The following ANKRD45 variants were observed in gnomAD, a reference collection of about 807,000 sequenced individuals.
ANKRD45 encodes the protein ankyrin repeat domain-containing protein 45.
In ANKRD45, 21 loss-of-function variants were observed where a neutral mutation model predicts 28.1. The ratio of observed to expected loss-of-function variants is 0.75; its 90% confidence interval spans 0.53 to 1.08. The LOEUF (loss-of-function observed/expected upper bound fraction) is 1.08, where lower values mean the gene tolerates loss of function less well. Among genes scored for constraint, ANKRD45 ranks in the 50% least tolerant of loss-of-function variants. The pLI is 0.00. For synonymous variants in ANKRD45, 86 were observed against 103.9 expected, an observed-to-expected ratio of 0.83 and a Z score of 1.05; for missense variants, 261 against 308.7, an observed-to-expected ratio of 0.85 and a Z score of 1.16.
Position 173,628,624 on chromosome 1 carries a change from G to A in ANKRD45, c.497-1465C>T, listed in dbSNP as rs1033380665. Among the ~76,000 whole-genome samples the A allele has an allele frequency of 1.4e-4, 21 of 152,162 alleles. 1 individual carries two copies. Among genetic ancestry groups the A allele is most frequent in the Admixed American group, 4.6e-4 (7 of 15,280 alleles). On this transcript the variant is annotated intron_variant, in intron 3 of 5. Transcript: ENST00000333279. ...GCCAGCTCAGCTGCAGTAGAATAGA[G>A]CACCAGCTAGATTCCTAAGGTTCTT...
At chr1:173,686,108 T>G in the ANKRD45 span, among the ~76,000 whole-genome samples, 2 of 152,108 alleles carry the variant, frequency 1.3e-5, no homozygotes, top group African/African-American at 4.8e-5. Flanking sequence ...CCCAATTCAC[T>G]AATGTCCAGC....
intron 2 of ANKRD45, among the ~76,000 whole-genome samples, chr1:173,651,624 G>C (rs77347549): frequency 0.25 from 37,899 of 151,928 alleles, 9,098 homozygotes; most frequent in African/African-American, 0.63. Context: ...TTTTCCAATT[G>C]TGTGAAGAAA....
chr1:173,645,227 T>C (rs1012179290), intron 3 of ANKRD45, among the ~76,000 whole-genome samples: 2 of 152,222 alleles, frequency 1.3e-5, no homozygotes, highest in Admixed American at 1.3e-4. Context: ...ATGTGTTTCC[T>C]TCAAGTTCCT....
the ANKRD45 span, among the ~76,000 whole-genome samples, chr1:173,701,023 CTT>C: frequency 2.6e-5 from 4 of 152,218 alleles, no homozygotes; most frequent in East Asian, 7.7e-4. Flanking sequence ...TGAGCAGACA[CTT>C]TTCAAAAGAA....
chr1:173,663,496 C>T (rs1669877232), intron 1 of ANKRD45, among the ~76,000 whole-genome samples: 1 of 152,152 alleles, frequency 6.6e-6, no homozygotes, highest in South Asian at 2.1e-4. Flanking sequence ...ACCCTCTCTT[C>T]TTTTGGAATA....
chr1:173,702,490 C>G, the ANKRD45 span, among the ~76,000 whole-genome samples: 1,217 of 152,154 alleles, frequency 8.0e-3, 3 homozygotes, highest in Non-Finnish European at 0.012. Context: ...AAGGCAGAGC[C>G]TTGGGGAACA....
chr1:173,655,452 C>G (rs1296238152), intron 2 of ANKRD45, among the ~76,000 whole-genome samples: 1 of 152,204 alleles, frequency 6.6e-6, no homozygotes, highest in Non-Finnish European at 1.5e-5. Context: ...TATTGCAGAA[C>G]AGCAAATATT....
At chr1:173,646,452 A>G (rs1668927830) in intron 3 of ANKRD45, among the ~76,000 whole-genome samples, 1 of 152,242 alleles carries the variant, frequency 6.6e-6, no homozygotes, top group Admixed American at 6.5e-5. Flanking sequence ...AACCTTTTAT[A>G]TTTGAGGAAT....
upstream of ANKRD45, among the ~76,000 whole-genome samples, chr1:173,671,008 C>T (rs1670230997): frequency 6.6e-6 from 1 of 152,146 alleles, no homozygotes; most frequent in African/African-American, 2.4e-5. Flanking sequence ...GTGTGCAAGT[C>T]CCTACCCTGG....
intron 5 of ANKRD45, 70 bp from the exon 6 acceptor site, chr1:173,610,285 TAA>T: frequency 7.2e-7 from 1 of 1,387,846 alleles, no homozygotes; most frequent in Non-Finnish European, 1.0e-6. Flanking sequence ...AGCCAGTTTT[TAA>T]GACAATAAGA....
At chr1:173,710,959 T>C in the ANKRD45 span, among the ~76,000 whole-genome samples, 3 of 151,984 alleles carry the variant, frequency 2.0e-5, no homozygotes, top group East Asian at 5.8e-4. Flanking sequence ...GAGCTGTGAT[T>C]GCACTACTGC....
intron 3 of ANKRD45, chr1:173,635,655 G>A: frequency 6.5e-7 from 1 of 1,535,496 alleles, no homozygotes; most frequent in Non-Finnish European, 8.7e-7. Flanking sequence ...GTACATTATT[G>A]GAAAGTTAAG....
intron 5 of ANKRD45, among the ~76,000 whole-genome samples, chr1:173,618,876 A>G (rs12096136): frequency 0.17 from 25,849 of 152,174 alleles, 7,318 homozygotes; most frequent in African/African-American, 0.59. Context: ...AAATGTTAAA[A>G]GTGGCCAGAC....
chr1:173,685,951 T>C, the ANKRD45 span, among the ~76,000 whole-genome samples: 3 of 152,128 alleles, frequency 2.0e-5, no homozygotes, highest in Non-Finnish European at 4.4e-5. Context: ...TTTTAGGAAA[T>C]TACAAAAACC....
the ANKRD45 span, among the ~76,000 whole-genome samples, chr1:173,703,653 C>T: frequency 6.6e-6 from 1 of 152,218 alleles, no homozygotes; most frequent in East Asian, 1.9e-4. Context: ...TTTCTTTCCA[C>T]ACAAACGTAG....
At chr1:173,679,825 C>G in the ANKRD45 span, among the ~76,000 whole-genome samples, 1 of 152,138 alleles carries the variant, frequency 6.6e-6, no homozygotes, top group African/African-American at 2.4e-5. Context: ...CCAGAACCTA[C>G]AAAGAACTTA....
chr1:173,691,022 C>T, the ANKRD45 span, among the ~76,000 whole-genome samples: 14 of 152,218 alleles, frequency 9.2e-5, no homozygotes, highest in Admixed American at 7.2e-4. Flanking sequence ...AGGTTCAATC[C>T]CCCCCAGTGG....
chr1:173,621,787 G>C (rs1000346202), intron 5 of ANKRD45, among the ~76,000 whole-genome samples: 3 of 152,108 alleles, frequency 2.0e-5, no homozygotes, highest in African/African-American at 7.2e-5. Context: ...ATTCGACATA[G>C]TATTGGAAAT....
At chr1:173,636,971 TC>T (rs1668474526) in intron 3 of ANKRD45, 3 of 1,535,654 alleles carry the variant, frequency 2.0e-6, no homozygotes, top group Non-Finnish European at 2.6e-6. Flanking sequence ...CCATCCTTCC[TC>T]TAAGAAAATT....
Sources: gnomAD v4.1 joint callset for allele counts (sites outside exome capture counted in the v4.1 genomes callset) on GRCh38, gnomAD v4.1.1 for gene constraint, MANE v1.5 for transcripts, NCBI Gene and HGNC (gene_info 2026-07-23, HGNC 2026-07-21) for gene names.